The following DCT variants were observed in gnomAD, a reference collection of about 807,000 sequenced individuals.
DCT encodes dopachrome tautomerase, also known as L-dopachrome tautomerase.
Under a neutral mutation model 53.0 loss-of-function variants are expected in DCT, and 47 were observed. That is an observed-to-expected ratio of 0.89 (90% confidence interval 0.70 to 1.13). DCT has a LOEUF of 1.13. Ranked by LOEUF, DCT falls within the 50% of genes most tolerant of loss-of-function variation. DCT has a pLI of 0.00. For synonymous variants in DCT, 244 were observed against 237.0 expected (o/e 1.03, Z -0.27); for missense variants, 669 against 637.4 (o/e 1.05, Z -0.53).
At chr13:94,458,029 T>C (rs1352693356) in intron 6 of DCT, among the ~76,000 whole-genome samples, 1 of 152,126 alleles carries the variant, frequency 6.6e-6, no homozygotes, top group African/African-American at 2.4e-5. Context: ...GAAAACCCCA[T>C]AACCGTGTCT....
intron 6 of DCT, among the ~76,000 whole-genome samples, chr13:94,443,980 C>G (rs954022727): frequency 6.6e-6 from 1 of 152,058 alleles, no homozygotes; most frequent in African/African-American, 2.4e-5. Context: ...ACATTTGAGG[C>G]CTTCAACATA....
At chr13:94,518,122 G>T in the DCT span, among the ~76,000 whole-genome samples, 1 of 118,186 alleles carries the variant, frequency 8.5e-6, no homozygotes, top group Non-Finnish European at 1.6e-5. Context: ...AGGAAGGAAG[G>T]AAGGAAGGAA....
intron 1 of DCT, 150 bp downstream of exon 1, chr13:94,478,811 C>T: frequency 1.4e-6 from 1 of 704,892 alleles, no homozygotes. Flanking sequence ...GCACATCAGC[C>T]TTATTGAATA....
At chr13:94,530,948 G>C in the DCT span, among the ~76,000 whole-genome samples, 1 of 152,112 alleles carries the variant, frequency 6.6e-6, no homozygotes, top group Non-Finnish European at 1.5e-5. Context: ...AAAGTCTCAG[G>C]ATATAAAATC....
At chr13:94,540,094 T>C in the DCT span, among the ~76,000 whole-genome samples, 1 of 151,800 alleles carries the variant, frequency 6.6e-6, no homozygotes, top group African/African-American at 2.4e-5. Context: ...TCCCACCATG[T>C]AGCTCAATTA....
At chr13:94,490,518 A>AACAAAC in the DCT span, among the ~76,000 whole-genome samples, 1 of 145,366 alleles carries the variant, frequency 6.9e-6, no homozygotes. Flanking sequence ...AAAAAAAAAA[A>AACAAAC]AAAAAAAAAA....
chr13:94,504,358 G>T, the DCT span, among the ~76,000 whole-genome samples: 1 of 152,062 alleles, frequency 6.6e-6, no homozygotes, highest in East Asian at 1.9e-4. Flanking sequence ...TAGTTTTTTT[G>T]TTGTTTGTTT....
At chr13:94,526,261 C>T in the DCT span, among the ~76,000 whole-genome samples, 1 of 152,220 alleles carries the variant, frequency 6.6e-6, no homozygotes, top group Non-Finnish European at 1.5e-5. Flanking sequence ...CCTGGAGCTG[C>T]AGTGATGAAT....
intron 6 of DCT, among the ~76,000 whole-genome samples, chr13:94,450,959 G>A (rs1402799562): frequency 2.6e-5 from 4 of 152,164 alleles, no homozygotes; most frequent in Non-Finnish European, 5.9e-5. Context: ...CATAGGTTTA[G>A]TTCTTCTCAA....
chr13:94,454,117 A>G (rs1475029365), intron 6 of DCT, among the ~76,000 whole-genome samples: 1 of 152,184 alleles, frequency 6.6e-6, no homozygotes, highest in Non-Finnish European at 1.5e-5. Flanking sequence ...CCTGCTGCAC[A>G]TTTTCTAAAT....
chr13:94,465,994 ATATATATATATATATATATAT>A (rs1884185348), intron 3 of DCT, among the ~76,000 whole-genome samples, 195 bp from the exon 4 acceptor site: 2 of 58,614 alleles, frequency 3.4e-5, no homozygotes, highest in South Asian at 1.4e-3. Context: ...ATATATATAT[ATATATATATATATATATATAT>A]ATATATATAC....
At chr13:94,460,311 T>C in intron 5 of DCT, 85 bp from the exon 6 acceptor site, 1 of 1,320,984 alleles carries the variant, frequency 7.6e-7, no homozygotes, top group South Asian at 1.3e-5. Flanking sequence ...ATAATAGTTG[T>C]CTAATTTGAG....
intron 1 of DCT, among the ~76,000 whole-genome samples, chr13:94,474,528 G>A (rs1426343383): frequency 2.0e-5 from 3 of 152,174 alleles, no homozygotes; most frequent in Admixed American, 1.3e-4. Flanking sequence ...GAAAATGGAG[G>A]CAATTAGTCA....
intron 6 of DCT, among the ~76,000 whole-genome samples, chr13:94,455,930 G>A (rs966111873): frequency 6.6e-6 from 1 of 152,158 alleles, no homozygotes; most frequent in African/African-American, 2.4e-5. Flanking sequence ...AGTTGACAAT[G>A]TATGCTTTAA....
intron 4 of DCT, among the ~76,000 whole-genome samples, chr13:94,464,587 C>A (rs900627614): frequency 3.3e-5 from 5 of 151,902 alleles, no homozygotes; most frequent in Non-Finnish European, 5.9e-5. Flanking sequence ...TTGCAGTGAG[C>A]CGAGATCACG....
intron 6 of DCT, among the ~76,000 whole-genome samples, chr13:94,450,575 C>T (rs1424869793): frequency 2.0e-5 from 3 of 151,158 alleles, no homozygotes; most frequent in African/African-American, 7.3e-5. Flanking sequence ...TCTAACAGCA[C>T]ACATACAAAA....
chr13:94,534,495 G>T, the DCT span, among the ~76,000 whole-genome samples: 1 of 152,216 alleles, frequency 6.6e-6, no homozygotes, highest in South Asian at 2.1e-4. Flanking sequence ...ATAGTAATAA[G>T]TACAACTGGC....
At chr13:94,490,152 C>A in the DCT span, among the ~76,000 whole-genome samples, 1 of 152,088 alleles carries the variant, frequency 6.6e-6, no homozygotes, top group Admixed American at 6.5e-5. Flanking sequence ...TCAAAAATTT[C>A]TTGACCTGAA....
chr13:94,500,971 C>CT, the DCT span, among the ~76,000 whole-genome samples: 10 of 152,092 alleles, frequency 6.6e-5, no homozygotes, highest in African/African-American at 1.2e-4. Flanking sequence ...TTTTTAGTTT[C>CT]TTTTTTTTCT....
Sources: gnomAD v4.1 joint callset for allele counts (sites outside exome capture counted in the v4.1 genomes callset) on GRCh38, gnomAD v4.1.1 for gene constraint, MANE v1.5 for transcripts, NCBI Gene and HGNC (gene_info 2026-07-23, HGNC 2026-07-21) for gene names.